SIN3A: variants seen among roughly 807,000 people sequenced by gnomAD.
The protein encoded by SIN3A is SIN3 transcription regulator family member A.
A neutral mutation model predicts 146.1 loss-of-function variants in SIN3A; 14 were observed. The ratio of observed to expected loss-of-function variants is 0.10; its 90% CI spans 0.06 to 0.15. The LOEUF is 0.15. Ranked by LOEUF, SIN3A falls within the 10% of genes least tolerant of loss-of-function variation. SIN3A has a pLI of 1.00. For missense variants in SIN3A, 1,028 were observed against 1,576.0 expected (o/e 0.65, Z 5.89); for synonymous variants, 572 against 572.0 (o/e 1.00, Z 0.00).
chr15:75,412,813 G>A lies in SIN3A; in HGVS notation c.706C>T (p.Pro236Ser). 1 of 1,608,970 alleles carries A rather than the reference G, an allele frequency of 6.2e-7. No homozygotes were observed. The highest frequency in any genetic ancestry group is 8.5e-7 in the Non-Finnish European group (1 of 1,176,468). ...TGAGGAGCTGGCTGGGCAGGAGCTG[G>A]GGCTGACTGGGCTGAAGGCTGGGAA... ...HPSQPSAQSA[P>S]APAQPAPQPP... is the part of the protein sequence containing the mutation. The change falls in exon 5 of 21, where the codon CCA (proline) becomes TCA (serine). Residue 236 changes from proline to serine, a missense_variant. Transcript: ENST00000394947.
intron 3 of SIN3A, chr15:75,420,223 T>C (rs575429973): frequency 7.2e-5 from 11 of 152,198 alleles, no homozygotes; most frequent in Non-Finnish European, 1.5e-4. Context: ...GTACCAAATA[T>C]CACTGCTGCT....
In SIN3A at chr15:75,392,515, T is replaced by C; in HGVS notation, c.2578A>G (p.Ser860Gly). The C allele has an allele frequency of 6.2e-7, 1 of 1,614,192 alleles. No individual in the cohort carries two copies. The highest frequency in any genetic ancestry group is 8.5e-7 in the Non-Finnish European group (1 of 1,180,038). Residue 860 changes from serine to glycine, a missense_variant, in exon 15 of 21, where the codon AGT becomes GGT. Physicochemically the swap from Ser to Gly is moderately conservative, Grantham distance 56. This residue lies in a region of SIN3A where 488 missense variants were observed against 690.2 expected (regional missense o/e 0.71). Transcript: ENST00000394947. ...AVKKHNGVGGSPPKSKLLFSN... is the reference protein window; with the variant it reads ...AVKKHNGVGGGPPKSKLLFSN... ...AACAGTAACTTGGACTTAGGGGGACTGCCCCCAACACCATTGTGCTTCTTA... is the reference window on the plus strand; with the variant it reads ...AACAGTAACTTGGACTTAGGGGGACCGCCCCCAACACCATTGTGCTTCTTA...
chr15:75,381,856 G>A, intron 17 of SIN3A, 151 bp from the exon 18 acceptor site: 1 of 636,318 alleles, frequency 1.6e-6, no homozygotes, highest in Non-Finnish European at 2.7e-6. Flanking sequence ...GGTGGCCAGT[G>A]ATAAAGGCAA....
At chr15:75,388,230 T>C (rs1457471264) in intron 16 of SIN3A, 1 of 152,266 alleles carries the variant, frequency 6.6e-6, no homozygotes, top group Non-Finnish European at 1.5e-5. Context: ...AGCTATTCTA[T>C]GGAAGAGGGC....
intron 16 of SIN3A, among the ~76,000 whole-genome samples, chr15:75,389,187 G>A (rs971656435): frequency 1.5e-4 from 23 of 152,042 alleles, no homozygotes; most frequent in Admixed American, 1.2e-3. Flanking sequence ...TTGACCAGGC[G>A]CAGTGGCTCG....
At chr15:75,444,629 G>A (rs2074272500) in intron 1 of SIN3A, among the ~76,000 whole-genome samples, 3 of 151,992 alleles carry the variant, frequency 2.0e-5, no homozygotes, top group Admixed American at 1.3e-4. Flanking sequence ...AGCACTTTGG[G>A]AGGCCGAGGT....
chr15:75,433,421 A>G (rs2074049283), intron 1 of SIN3A, among the ~76,000 whole-genome samples: 1 of 152,148 alleles, frequency 6.6e-6, no homozygotes, highest in Admixed American at 6.6e-5. Flanking sequence ...TTGGCTGTTA[A>G]AATATCGTTT....
In SIN3A at chr15:75,375,772, G is replaced by T. The variant is rs2072842591; in HGVS notation, c.3484C>A (p.Leu1162Met). ...TTGAATCTACACTCCAGCTTATCCAGACTATCCACATTCTCCATGGTCTTC... is the reference window on the plus strand; with the variant it reads ...TTGAATCTACACTCCAGCTTATCCATACTATCCACATTCTCCATGGTCTTC... ...SKKTMENVDS[L>M]DKLECRFKLN... is the part of the protein sequence containing the mutation. Residue 1162 changes from leucine to methionine, a missense_variant, in exon 20 of 21, where the codon CTG becomes ATG. Around this residue, in one of 9 missense-constraint regions of SIN3A, gnomAD observed 488 missense variants for 690.2 expected, o/e 0.71. Coordinates refer to ENST00000394947, the MANE Select transcript of SIN3A (RefSeq NM_001145358.2). 6.2e-7 allele frequency: 1 copy of T among 1,613,958 alleles called. No individual in the cohort carries two copies. Among genetic ancestry groups the T allele is most frequent in the African/African-American group, 1.3e-5 (1 of 74,896 alleles).
chr15:75,410,650 C>A (rs1332091122), intron 6 of SIN3A, among the ~76,000 whole-genome samples: 1 of 151,910 alleles, frequency 6.6e-6, no homozygotes, highest in African/African-American at 2.4e-5. Context: ...ACTGACAAAA[C>A]CTTAGAAATT....
Position 75,380,837 on chromosome 15 carries a change from G to C in SIN3A, c.3289-114C>G, listed in dbSNP as rs577086315. The C allele has an allele frequency of 1.5e-5, 11 of 716,232 alleles. No individual in the cohort carries two copies. The Admixed American group carries it at 2.0e-4, about 13-fold the overall frequency. 44.4% of individuals were successfully genotyped at this position (716,232 alleles called of 1,614,324 possible). A position where few individuals can be genotyped will look rare whatever the true frequency, so the allele number is the denominator to read the frequency against. On this transcript the variant is annotated intron_variant, in intron 18 of 20. Transcript: ENST00000394947. ...AATGCCCCGAATTCATAAATTTCAA[G>C]ATCAAAAAAGTCCCTTTCTATAAAG... is the stretch of plus-strand genomic sequence containing the variant.
Position 75,438,748 on chromosome 15 carries a change from T to A in SIN3A, c.-33-8340A>T, listed in dbSNP as rs114135672. ...AAATGCATACTCTTAGAACAAAAAA[T>A]AAAATAAATAAATGCATACTCTTTT... On this transcript the variant is annotated intron_variant, in intron 1 of 20. Coordinates refer to ENST00000394947, the MANE Select transcript of SIN3A (RefSeq NM_001145358.2). Among the ~76,000 whole-genome samples, 1,253 of 152,184 alleles carry A rather than the reference T, an allele frequency of 8.2e-3. 26 individuals carry two copies. The highest frequency in any genetic ancestry group is 0.029 in the African/African-American group (1,184 of 41,528).
rs189389787 is a variant in SIN3A at position 75,375,268 on chromosome 15, G to A, written c.3591+397C>T. ...CCTAGCCCCCAGTACTTCCGAATGTGACCTCATCTGGAGGCAGACACACAC... is the reference window on the plus strand; with the variant it reads ...CCTAGCCCCCAGTACTTCCGAATGTAACCTCATCTGGAGGCAGACACACAC... On this transcript the variant is annotated intron_variant, in intron 20 of 20. Transcript: ENST00000394947. Among the ~76,000 whole-genome samples, 266 of 152,204 alleles carry A rather than the reference G, an allele frequency of 1.7e-3. 2 individuals carry two copies. The highest frequency in any genetic ancestry group is 2.6e-3 in the Admixed American group (40 of 15,296).
chr15:75,414,519 C>T (rs536607768), intron 3 of SIN3A, among the ~76,000 whole-genome samples: 1 of 152,122 alleles, frequency 6.6e-6, no homozygotes, highest in South Asian at 2.1e-4. Context: ...TGTAGCCTTG[C>T]CTTGGAAAAT....
At chr15:75,423,165 C>T (rs1243178879) in intron 2 of SIN3A, among the ~76,000 whole-genome samples, 1 of 151,838 alleles carries the variant, frequency 6.6e-6, no homozygotes, top group Non-Finnish European at 1.5e-5. Flanking sequence ...GTGGTCCCAC[C>T]TACTCCAGAG....
intron 1 of SIN3A, among the ~76,000 whole-genome samples, chr15:75,443,011 T>C (rs2074244013): frequency 6.6e-6 from 1 of 151,370 alleles, no homozygotes; most frequent in Non-Finnish European, 1.5e-5. Context: ...GGAGACAGAA[T>C]CTTGCTATGT....
At position 75,392,570 on chromosome 15, in the gene SIN3A, CTCT is replaced by C. The variant is rs912478632; in HGVS notation, c.2520_2522del (p.Glu841del). The stretch of plus-strand genomic sequence containing the variant: ...CCCCTGTGGCTTCATCTACATCCAT[CTCT>C]TCTTCTTCCTCTTCCTCCACATCTG... On this transcript the variant is annotated inframe_deletion, in exon 15 of 21. Coordinates refer to ENST00000394947, the MANE Select transcript of SIN3A (RefSeq NM_001145358.2). 15 of 1,613,998 alleles carry C rather than the reference CTCT, an allele frequency of 9.3e-6. No homozygotes were observed. Among genetic ancestry groups the C allele is most frequent in the South Asian group, 8.8e-5 (8 of 91,090 alleles).
chr15:75,454,080 G>A (rs1324067861), upstream of SIN3A: 1 of 152,180 alleles, frequency 6.6e-6, no homozygotes, highest in Non-Finnish European at 1.5e-5. Context: ...GAGGAGGCCG[G>A]GCTACCCGCC....
intron 16 of SIN3A, among the ~76,000 whole-genome samples, chr15:75,387,286 A>T (rs1442688099): frequency 1.3e-5 from 2 of 152,086 alleles, no homozygotes; most frequent in African/African-American, 4.8e-5. Flanking sequence ...GCGCTTTGGG[A>T]GGCTGAAGTA....
At chr15:75,444,843 G>A (rs1466736522) in intron 1 of SIN3A, among the ~76,000 whole-genome samples, 1 of 152,200 alleles carries the variant, frequency 6.6e-6, no homozygotes, top group East Asian at 1.9e-4. Flanking sequence ...TGCACTTGGG[G>A]AATCTAGGTG....
Sources: allele counts gnomAD v4.1 joint callset (sites outside exome capture counted in the v4.1 genomes callset), GRCh38; gene constraint gnomAD v4.1.1; regional missense constraint gnomAD v4.1.1; transcripts MANE v1.5; gene names NCBI Gene and HGNC (gene_info 2026-07-23, HGNC 2026-07-21).